Variants in DPP10 observed in about 807,000 individuals in gnomAD.
DPP10 encodes dipeptidyl peptidase like 10.
A neutral mutation model predicts 120.9 loss-of-function variants in DPP10; 33 were observed. The ratio of observed to expected loss-of-function variants is 0.27; its 90% CI spans 0.21 to 0.37. DPP10 has a LOEUF of 0.37. Ranked by LOEUF, DPP10 falls within the 10% of genes least tolerant of loss-of-function variation. The pLI is 1.00. For synonymous variants in DPP10, 337 were observed against 326.1 expected (o/e 1.03, Z -0.36); for missense variants, 816 against 942.8 (o/e 0.87, Z 1.76).
intron 1 of DPP10, among the ~76,000 whole-genome samples, chr2:115,056,992 G>T (rs950103529): frequency 5.9e-5 from 9 of 152,142 alleles, no homozygotes; most frequent in Non-Finnish European, 1.0e-4. Flanking sequence ...CACTTTCAAG[G>T]TTCCTTTCCT....
At chr2:114,549,899 G>C (rs1283771723) in intron 1 of DPP10, among the ~76,000 whole-genome samples, 1 of 152,054 alleles carries the variant, frequency 6.6e-6, no homozygotes. Flanking sequence ...CAGCCTGTGA[G>C]GTGAATGGGG....
intron 1 of DPP10, among the ~76,000 whole-genome samples, chr2:115,156,141 T>C (rs2051894907): frequency 6.6e-6 from 1 of 152,214 alleles, no homozygotes; most frequent in African/African-American, 2.4e-5. Context: ...TTAAACAATG[T>C]TCAGTATTGA....
At chr2:114,622,798 A>T (rs553068695) in intron 1 of DPP10, among the ~76,000 whole-genome samples, 1 of 152,266 alleles carries the variant, frequency 6.6e-6, no homozygotes, top group Non-Finnish European at 1.5e-5. Flanking sequence ...GAAAGACATC[A>T]TCAGAGAAAA....
chr2:114,464,143 G>A (rs1488259526), intron 1 of DPP10, among the ~76,000 whole-genome samples: 1 of 152,176 alleles, frequency 6.6e-6, no homozygotes, highest in Non-Finnish European at 1.5e-5. Flanking sequence ...AGTCAATTGG[G>A]TAAATACCTA....
chr2:115,019,813 T>A (rs962657853), intron 1 of DPP10, among the ~76,000 whole-genome samples: 1 of 152,224 alleles, frequency 6.6e-6, no homozygotes, highest in East Asian at 1.9e-4. Context: ...TAACAGCAGA[T>A]TTCTCAGCAG....
chr2:114,711,976 T>C (rs972968161), intron 1 of DPP10, among the ~76,000 whole-genome samples: 3 of 152,174 alleles, frequency 2.0e-5, no homozygotes, highest in African/African-American at 7.2e-5. Context: ...ATAATTATCA[T>C]CATCAAATAT....
chr2:114,937,007 G>A (rs1319004199), intron 1 of DPP10, among the ~76,000 whole-genome samples: 1 of 152,142 alleles, frequency 6.6e-6, no homozygotes, highest in Non-Finnish European at 1.5e-5. Context: ...TTTGTCGGAT[G>A]TATAGATTGT....
At chr2:115,806,846 C>T (rs559424616) in intron 19 of DPP10, among the ~76,000 whole-genome samples, 4 of 151,868 alleles carry the variant, frequency 2.6e-5, no homozygotes, top group Non-Finnish European at 5.9e-5. Context: ...ATTGCCCCCC[C>T]ACCCCCAGTT....
At chr2:115,260,090 T>C (rs2059186849) in intron 1 of DPP10, among the ~76,000 whole-genome samples, 1 of 151,084 alleles carries the variant, frequency 6.6e-6, no homozygotes, top group East Asian at 1.9e-4. Context: ...CTGGCATTAA[T>C]GAGTCACTGC....
chr2:115,836,256 G>A lies in DPP10; in HGVS notation c.2050G>A (p.Ala684Thr). 1 of 1,601,970 alleles carries A rather than the reference G, an allele frequency of 6.2e-7. No individual in the cohort carries two copies. The highest frequency in any genetic ancestry group is 1.8e-5 in the Admixed American group (1 of 57,058). The change falls in exon 22 of 26, where the codon GCC (alanine) becomes ACC (threonine). Residue 684 changes from alanine (A) to threonine (T), a missense_variant and splice_region_variant. Transcript: ENST00000410059. The stretch of plus-strand genomic sequence containing the variant: ...ACCTATCACAGACTTGAAATTGTAT[G>A]GTGAGTACTTTCTACAGACTGACCT... ...VAPITDLKLY[A>T]SAFSERYLGM...
At chr2:114,823,735 A>T (rs1460091303) in intron 1 of DPP10, among the ~76,000 whole-genome samples, 1 of 152,212 alleles carries the variant, frequency 6.6e-6, no homozygotes, top group Non-Finnish European at 1.5e-5. Flanking sequence ...GGAAATTTGA[A>T]CAGTGGATGT....
intron 1 of DPP10, among the ~76,000 whole-genome samples, chr2:114,826,354 AG>A (rs1235844481): frequency 6.6e-6 from 1 of 152,152 alleles, no homozygotes; most frequent in Non-Finnish European, 1.5e-5. Flanking sequence ...AATATGTAAA[AG>A]TATGGTGGAG....
intron 1 of DPP10, among the ~76,000 whole-genome samples, chr2:115,070,873 C>T (rs188214238): frequency 6.7e-4 from 102 of 152,236 alleles, no homozygotes; most frequent in Non-Finnish European, 1.4e-3. Context: ...ATTTATTTAT[C>T]ATTGCACTTA....
intron 4 of DPP10, among the ~76,000 whole-genome samples, chr2:115,502,619 G>A (rs1004801220): frequency 6.6e-6 from 1 of 152,222 alleles, no homozygotes; most frequent in East Asian, 1.9e-4. Flanking sequence ...ATCACTTTTT[G>A]AAATTATAAG....
At chr2:114,691,612 T>C (rs553916746) in intron 1 of DPP10, among the ~76,000 whole-genome samples, 3 of 151,626 alleles carry the variant, frequency 2.0e-5, no homozygotes, top group Non-Finnish European at 4.4e-5. Context: ...TTCAATTTTT[T>C]GAGAATCATT....
intron 1 of DPP10, chr2:114,828,602 T>A (rs1686774856): frequency 1.3e-5 from 2 of 152,212 alleles, no homozygotes; most frequent in Admixed American, 6.5e-5. Context: ...TCAAGGAAAA[T>A]TTGTGCAATA....
intron 1 of DPP10, among the ~76,000 whole-genome samples, chr2:114,975,056 T>C (rs1411497709): frequency 1.3e-5 from 2 of 151,330 alleles, no homozygotes; most frequent in Non-Finnish European, 2.9e-5. Context: ...TTTTTTTTTT[T>C]GAGATGGAGG....
intron 1 of DPP10, among the ~76,000 whole-genome samples, chr2:114,742,651 A>G (rs1004179536): frequency 1.3e-5 from 2 of 152,204 alleles, no homozygotes; most frequent in Admixed American, 6.5e-5. Flanking sequence ...TGTTTTGGGT[A>G]TGCAGAAATC....
At chr2:115,330,275 TG>T (rs1215414417) in intron 2 of DPP10, among the ~76,000 whole-genome samples, 7 of 152,046 alleles carry the variant, frequency 4.6e-5, no homozygotes, top group Non-Finnish European at 7.4e-5. Flanking sequence ...GCCCACTTTT[TG>T]TTGGGTTTGT....
Sources: gnomAD v4.1 joint callset for allele counts (sites outside exome capture counted in the v4.1 genomes callset) on GRCh38, gnomAD v4.1.1 for gene constraint, MANE v1.5 for transcripts, NCBI Gene and HGNC (gene_info 2026-07-23, HGNC 2026-07-21) for gene names.